Variants in SOAT2 observed in about 807,000 individuals in gnomAD.
SOAT2 encodes ACAT-2.
Under a neutral mutation model 76.0 loss-of-function variants are expected in SOAT2, and 87 were observed. The ratio of observed to expected loss-of-function variants is 1.14; its 90% confidence interval spans 0.96 to 1.37. The LOEUF is 1.37. Ranked by LOEUF, SOAT2 falls within the 40% of genes most tolerant of loss-of-function variation. SOAT2 has a pLI of 0.00. For missense variants in SOAT2, 686 were observed against 682.1 expected, an observed-to-expected ratio of 1.01 and a Z score of -0.06; for synonymous variants, 285 against 275.4, an observed-to-expected ratio of 1.03 and a Z score of -0.34.
rs1168403177 is a variant in SOAT2, at chr12:53,115,676, CG to C, written c.708+24del. Reference sequence around the variant, plus strand: ...GCAGGTGAGGGCCGAGCCCTGCTGACGGACAGGAAGGAACCAGCTGGTGGGG... The same window carrying C: ...GCAGGTGAGGGCCGAGCCCTGCTGACGACAGGAAGGAACCAGCTGGTGGGG... On this transcript the variant is annotated intron_variant, in intron 6 of 14. Transcript: ENST00000301466. The C allele has an allele frequency of 4.7e-6, 7 of 1,492,398 alleles. No homozygotes were observed. In the South Asian group the frequency reaches 9.4e-5, roughly 20 times the overall value. 92.4% of individuals were successfully genotyped at this position (1,492,398 alleles called of 1,614,324 possible). A position where few individuals can be genotyped will look rare whatever the true frequency, so the allele number is the denominator to read the frequency against.
Position 53,124,377 on chromosome 12 carries a change from T to G in SOAT2, c.*254T>G. On this transcript the variant is annotated 3_prime_UTR_variant, in exon 15 of 15. Coordinates refer to ENST00000301466, the MANE Select transcript of SOAT2 (RefSeq NM_003578.4). ...ATGGGCTGGGTACAGGATATCCTCCTACCCCATGACTGTCTTAGGGAGACT... is the reference window on the plus strand; with the variant it reads ...ATGGGCTGGGTACAGGATATCCTCCGACCCCATGACTGTCTTAGGGAGACT... The G allele has an allele frequency of 1.8e-6, 1 of 565,344 alleles. No homozygotes were observed. The allele number at this position is 565,344 out of a possible 1,614,324, so 35.0% of individuals were successfully genotyped here. A position where few individuals can be genotyped will look rare whatever the true frequency, so the allele number is the denominator to read the frequency against.
At chr12:53,116,742 C>T (rs892000065) in intron 7 of SOAT2, among the ~76,000 whole-genome samples, 1 of 151,788 alleles carries the variant, frequency 6.6e-6, no homozygotes, top group African/African-American at 2.4e-5. Context: ...GTGGCTAATG[C>T]CTGTGGTCCC....
chr12:53,122,939 G>C, intron 12 of SOAT2, 142 bp from the exon 13 acceptor site: 2 of 848,458 alleles, frequency 2.4e-6, no homozygotes, highest in South Asian at 2.0e-5. Context: ...CCTCCCGGAC[G>C]GGGCGGCTGG....
At chr12:53,120,502 G>T (rs1342646101) in intron 10 of SOAT2, among the ~76,000 whole-genome samples, 2 of 151,670 alleles carry the variant, frequency 1.3e-5, no homozygotes, top group African/African-American at 4.8e-5. Context: ...AGCTGGGAGT[G>T]GTGGCTCATG....
intron 5 of SOAT2, among the ~76,000 whole-genome samples, chr12:53,107,199 T>G (rs1937948946): frequency 6.6e-6 from 1 of 152,124 alleles, no homozygotes; most frequent in South Asian, 2.1e-4. Context: ...CGCAGGGAGA[T>G]GGGGAGTCGT....
At chr12:53,112,470 C>T (rs1383954687) in intron 5 of SOAT2, among the ~76,000 whole-genome samples, 2 of 144,208 alleles carry the variant, frequency 1.4e-5, no homozygotes, top group Admixed American at 1.4e-4. Flanking sequence ...TGCTTGAACC[C>T]GGGAGGCGGA....
Position 53,105,632 on chromosome 12 carries a change from T to C in SOAT2, c.335+12T>C. On this transcript the variant is annotated intron_variant, in intron 4 of 14. Coordinates refer to ENST00000301466, the MANE Select transcript of SOAT2 (RefSeq NM_003578.4). ...AAGTCCCTGCTTGAGTAAGTCGGGG[T>C]GATGACAAGTAATGGGAGGAAAAGA... 2 of 1,605,306 alleles carry C rather than the reference T, an allele frequency of 1.2e-6. No individual in the cohort carries two copies. Among genetic ancestry groups the C allele is most frequent in the Non-Finnish European group, 1.7e-6 (2 of 1,174,388 alleles).
intron 5 of SOAT2, among the ~76,000 whole-genome samples, chr12:53,108,727 A>C (rs1381797967): frequency 6.6e-6 from 1 of 152,204 alleles, no homozygotes; most frequent in Non-Finnish European, 1.5e-5. Context: ...AAGAGCCCTA[A>C]ATGTTTTTCC....
In SOAT2 at chr12:53,115,598, G is replaced by A. The variant is rs891592655; in HGVS notation, c.652G>A (p.Val218Met). 3.2e-6 allele frequency: 5 copies of A among 1,574,046 alleles called. No individual in the cohort carries two copies. Among genetic ancestry groups the A allele is most frequent in the Non-Finnish European group, 4.3e-6 (5 of 1,165,962 alleles). ...AVVLCALPVH[V>M]AVEHQLPPAS... is the part of the protein sequence containing the mutation. ...GGTGCTCTGCGCGCTGCCGGTCCAC[G>A]TGGCCGTGGAGCATCAGCTCCCGCC... The change falls in exon 6 of 15, where the codon GTG becomes ATG. Residue 218 changes from valine (V) to methionine (M), a missense_variant. Val to Met is a conservative substitution (Grantham distance 21). Coordinates refer to ENST00000301466, the MANE Select transcript of SOAT2 (RefSeq NM_003578.4).
At chr12:53,123,273 G>T in intron 13 of SOAT2, 57 bp downstream of exon 13, 1 of 1,603,852 alleles carries the variant, frequency 6.2e-7, no homozygotes, top group Admixed American at 1.7e-5. Flanking sequence ...CCTGCATCCT[G>T]CTCCTGCAGA....
Position 53,103,638 on chromosome 12 carries a change from G to C in SOAT2, c.61G>C (p.Glu21Gln), listed in dbSNP as rs1021817091. ...GACAGAAGGGCTGGGAGGGGAGCGG[G>C]AGCGCCAACCCTGTGGAGATGGTGA... Reference protein sequence around the residue: ...QRTEGLGGERERQPCGDGNTE... With the variant: ...QRTEGLGGERQRQPCGDGNTE... The change falls in exon 1 of 15, where the codon GAG (glutamate) becomes CAG (glutamine). Residue 21 changes from glutamate to glutamine, a missense_variant. By Grantham distance (29) the Glu-to-Gln change is conservative (BLOSUM62 2). Coordinates refer to ENST00000301466, the MANE Select transcript of SOAT2 (RefSeq NM_003578.4). 1.3e-6 allele frequency: 2 copies of C among 1,541,688 alleles called. No homozygotes were observed.
chr12:53,124,029 C>A, intron 14 of SOAT2, 44 bp from the exon 15 acceptor site: 1 of 1,612,158 alleles, frequency 6.2e-7, no homozygotes, highest in South Asian at 1.1e-5. Context: ...TGGGTTGAGT[C>A]ACCAGGAATG....
At chr12:53,120,651 G>C (rs993329354) in intron 10 of SOAT2, 135 bp from the exon 11 acceptor site, 35 of 560,724 alleles carry the variant, frequency 6.2e-5, no homozygotes, top group African/African-American at 5.8e-4. Flanking sequence ...GCATAAATTT[G>C]TGAATTACCA....
chr12:53,106,349 T>C (rs977673859), intron 5 of SOAT2, among the ~76,000 whole-genome samples: 5 of 152,208 alleles, frequency 3.3e-5, no homozygotes, highest in Admixed American at 1.3e-4. Context: ...GTAACCTCCA[T>C]TGAGCACCTC....
intron 5 of SOAT2, 27 bp from the exon 6 acceptor site, chr12:53,115,363 A>G (rs947969756): frequency 1.3e-6 from 2 of 1,564,184 alleles, no homozygotes; most frequent in Non-Finnish European, 8.7e-7. Flanking sequence ...TCACTTGTCT[A>G]CTTTGTCTCT....
At chr12:53,106,220 C>T (rs1025206628) in intron 5 of SOAT2, among the ~76,000 whole-genome samples, 2 of 152,272 alleles carry the variant, frequency 1.3e-5, no homozygotes, top group African/African-American at 2.4e-5. Context: ...CTTTGTCTGT[C>T]CTCCCAGGGC....
intron 5 of SOAT2, among the ~76,000 whole-genome samples, chr12:53,111,804 TTG>T: frequency 6.6e-6 from 1 of 152,262 alleles, no homozygotes; most frequent in African/African-American, 2.4e-5. Context: ...TCACATAAAC[TTG>T]AAAAAGCATT....
chr12:53,111,590 G>A (rs1279715481), intron 5 of SOAT2, among the ~76,000 whole-genome samples: 1 of 152,188 alleles, frequency 6.6e-6, no homozygotes. Context: ...CATGAGCAAA[G>A]ATCATTCTGT....
chr12:53,108,889 ATAGT>A (rs1391839357), intron 5 of SOAT2, among the ~76,000 whole-genome samples: 1 of 152,230 alleles, frequency 6.6e-6, no homozygotes, highest in African/African-American at 2.4e-5. Context: ...TAGGGTAGCC[ATAGT>A]TAAAGACACA....
Sources: gnomAD v4.1 joint callset for allele counts (sites outside exome capture counted in the v4.1 genomes callset) on GRCh38, gnomAD v4.1.1 for gene constraint, MANE v1.5 for transcripts, NCBI Gene and HGNC (gene_info 2026-07-23, HGNC 2026-07-21) for gene names.